The following THSD7B variants were observed in gnomAD, a reference collection of about 807,000 sequenced individuals.
The protein encoded by THSD7B is thrombospondin type-1 domain-containing protein 7B.
THSD7B carries 138 observed loss-of-function variants against 213.6 expected under a neutral mutation model. The observed-to-expected ratio is 0.65, with a 90% CI of 0.56 to 0.74. The LOEUF (loss-of-function observed/expected upper bound fraction) is 0.74, where lower values mean the gene tolerates loss of function less well. THSD7B is among the 30% of genes least tolerant of loss of function. The probability of loss-of-function intolerance (pLI) is 0.00; values close to 1 mark genes in which losing one functional copy is unlikely to be tolerated. For synonymous variants in THSD7B, 742 were observed against 687.0 expected, an observed-to-expected ratio of 1.08 and a Z score of -1.25; for missense variants, 1,931 against 1,991.5, an observed-to-expected ratio of 0.97 and a Z score of 0.58.
Position 137,242,562 on chromosome 2 carries a change from G to A in THSD7B, c.2256G>A (p.Met752Ile). 4 of 1,613,140 alleles carry A rather than the reference G, an allele frequency of 2.5e-6. No individual in the cohort carries two copies. Among genetic ancestry groups the A allele is most frequent in the Non-Finnish European group, 3.4e-6 (4 of 1,179,226 alleles). Reference protein sequence around the residue: ...AFSEWTPCPRMCQAGNATVKQ... With the variant: ...AFSEWTPCPRICQAGNATVKQ... Reference sequence around the variant, plus strand: ...GTGAGTGGACACCCTGCCCAAGGATGTGCCAAGCAGGTAGGTGGATGCTGC... The same window carrying A: ...GTGAGTGGACACCCTGCCCAAGGATATGCCAAGCAGGTAGGTGGATGCTGC... The change falls in exon 10 of 28, where the codon ATG becomes ATA. Residue 752 changes from methionine (M) to isoleucine (I), a missense_variant. Transcript: ENST00000409968.
intron 1 of THSD7B, among the ~76,000 whole-genome samples, chr2:136,861,732 T>C (rs1683262055): frequency 6.6e-6 from 1 of 152,262 alleles, no homozygotes; most frequent in South Asian, 2.1e-4. Flanking sequence ...TCATTTATTA[T>C]TGTATAACAA....
At chr2:137,586,527 C>A (rs909976166) in intron 17 of THSD7B, among the ~76,000 whole-genome samples, 1 of 152,136 alleles carries the variant, frequency 6.6e-6, no homozygotes, top group African/African-American at 2.4e-5. Context: ...ATAGGGCAGG[C>A]TTGGTGGTGA....
chr2:137,516,722 G>A (rs543822798), intron 15 of THSD7B, among the ~76,000 whole-genome samples: 42 of 149,074 alleles, frequency 2.8e-4, no homozygotes, highest in African/African-American at 1.0e-3. Flanking sequence ...TTGACATTTA[G>A]CAGCTGACAG....
At chr2:136,790,043 C>T (rs1681934109) in intron 1 of THSD7B, among the ~76,000 whole-genome samples, 1 of 151,374 alleles carries the variant, frequency 6.6e-6, no homozygotes, top group Non-Finnish European at 1.5e-5. Flanking sequence ...AGGGCCTTAC[C>T]AAATTGTAAG....
rs760837332 is a variant in THSD7B, at chr2:137,413,224, C to T, written c.2959+1352C>T. On this transcript the variant is annotated intron_variant, in intron 14 of 27. Transcript: ENST00000409968. ...TGACTTTCAGAAACATTAAATACAT[C>T]ACAAGAAAGTAATGGACCCATTTTA... Among the ~76,000 whole-genome samples, 14 of 152,184 alleles carry T rather than the reference C, an allele frequency of 9.2e-5. No individual in the cohort carries two copies. In the East Asian group the frequency reaches 2.5e-3, roughly 27 times the overall value.
rs1034294908 is a variant in THSD7B, at chr2:137,300,598, G to A, written c.2500+24572G>A. ...AATCTATGTGGAATAGAGGGAATAA[G>A]TTGTCCCCAACATTTATAATTTATA... On this transcript the variant is annotated intron_variant, in intron 12 of 27. Coordinates refer to ENST00000409968, the MANE Select transcript of THSD7B (RefSeq NM_001316349.2). Among the ~76,000 whole-genome samples, 5 of 152,150 alleles carry A rather than the reference G, an allele frequency of 3.3e-5. No individual in the cohort carries two copies. In the East Asian group the frequency reaches 7.7e-4, roughly 23 times the overall value.
intron 15 of THSD7B, among the ~76,000 whole-genome samples, chr2:137,474,579 G>A (rs1688158446): frequency 6.6e-6 from 1 of 152,138 alleles, no homozygotes; most frequent in Admixed American, 6.5e-5. Context: ...GACACATCAG[G>A]TGGCAGTCAA....
At chr2:137,188,216 C>T (rs1218473811) in intron 7 of THSD7B, among the ~76,000 whole-genome samples, 1 of 152,124 alleles carries the variant, frequency 6.6e-6, no homozygotes, top group East Asian at 1.9e-4. Flanking sequence ...TTTACTTTTT[C>T]AAAGAGAGGT....
At chr2:136,978,287 T>G (rs972762786) in intron 2 of THSD7B, among the ~76,000 whole-genome samples, 2 of 152,234 alleles carry the variant, frequency 1.3e-5, no homozygotes, top group South Asian at 4.1e-4. Context: ...TGGAGAATTT[T>G]GCAGATATCT....
At chr2:137,436,060 A>G (rs1030005951) in intron 14 of THSD7B, among the ~76,000 whole-genome samples, 2 of 152,028 alleles carry the variant, frequency 1.3e-5, no homozygotes, top group African/African-American at 4.8e-5. Flanking sequence ...CCCCAATCCT[A>G]TTAGCTTCCC....
intron 12 of THSD7B, among the ~76,000 whole-genome samples, chr2:137,303,682 A>ATTTATATATATTTATATATATT (rs1558749564): frequency 8.2e-6 from 1 of 122,590 alleles, no homozygotes; most frequent in Non-Finnish European, 1.6e-5. Context: ...TAATATATAT[A>ATTTATATATATTTATATATATT]TTTATATATA....
intron 15 of THSD7B, among the ~76,000 whole-genome samples, chr2:137,555,984 G>C (rs190478280): frequency 6.6e-6 from 1 of 152,304 alleles, no homozygotes; most frequent in Admixed American, 6.5e-5. Context: ...GAGAAGAGAA[G>C]TTTAGAGAAA....
intron 1 of THSD7B, among the ~76,000 whole-genome samples, chr2:136,862,977 C>G (rs1026363883): frequency 1.3e-5 from 2 of 152,298 alleles, no homozygotes; most frequent in African/African-American, 4.8e-5. Flanking sequence ...GGGACTCAAC[C>G]TATTGCTTAC....
At chr2:136,969,593 G>GT (rs543142446) in intron 2 of THSD7B, among the ~76,000 whole-genome samples, 107 of 152,028 alleles carry the variant, frequency 7.0e-4, no homozygotes, top group African/African-American at 2.5e-3. Flanking sequence ...AATTATGAGG[G>GT]TTTTTTTGCA....
Position 137,581,767 on chromosome 2 carries a change from A to G in THSD7B, c.3423+9211A>G, listed in dbSNP as rs1230700350. 3.3e-4 allele frequency among the ~76,000 whole-genome samples: 47 copies of G among 142,778 alleles called. 1 individual carries two copies. The highest frequency in any genetic ancestry group is 1.2e-3 in the African/African-American group (47 of 38,618). The allele number at this position is 142,778 out of a possible 152,430, so 93.7% of individuals were successfully genotyped here. On this transcript the variant is annotated intron_variant, in intron 17 of 27. Coordinates refer to ENST00000409968, the MANE Select transcript of THSD7B (RefSeq NM_001316349.2). ...AGAGCGAGACTCCGTCTCAAAAAAA[A>G]AAATAAAAAAAAAAAAAATAATAAT...
intron 12 of THSD7B, among the ~76,000 whole-genome samples, chr2:137,333,220 C>T (rs759847177): frequency 5.9e-5 from 9 of 152,194 alleles, no homozygotes; most frequent in Non-Finnish European, 1.0e-4. Context: ...GGTTCCGATA[C>T]ATCTACCTCC....
At chr2:137,607,251 A>T (rs1682200452) in intron 17 of THSD7B, among the ~76,000 whole-genome samples, 1 of 151,050 alleles carries the variant, frequency 6.6e-6, no homozygotes, top group Admixed American at 6.8e-5. Flanking sequence ...CCAATTATTA[A>T]GTTTACCACA....
chr2:137,326,725 G>T (rs6430709), intron 12 of THSD7B, among the ~76,000 whole-genome samples: 83,800 of 151,998 alleles, frequency 0.55, 25,979 homozygotes, highest in East Asian at 0.75. Context: ...AATAGAAGAT[G>T]CTGGAATGAA....
chr2:137,060,150 C>T (rs1687244773), intron 3 of THSD7B, among the ~76,000 whole-genome samples: 1 of 152,036 alleles, frequency 6.6e-6, no homozygotes, highest in Non-Finnish European at 1.5e-5. Flanking sequence ...ACTTGCTTGC[C>T]ATCTGTATAT....
Sources: gnomAD v4.1 joint callset for allele counts (sites outside exome capture counted in the v4.1 genomes callset) on GRCh38, gnomAD v4.1.1 for gene constraint, MANE v1.5 for transcripts, NCBI Gene and HGNC (gene_info 2026-07-23, HGNC 2026-07-21) for gene names.